Variants in CAV1 observed in about 807,000 individuals in gnomAD.
CAV1 encodes caveolin 1, also known as caveolin-1.
In CAV1, 10 loss-of-function variants were observed where a neutral mutation model predicts 16.5. The observed-to-expected ratio is 0.61, with a 90% CI of 0.37 to 1.03. The LOEUF (loss-of-function observed/expected upper bound fraction) is 1.03. Among genes scored for constraint, CAV1 ranks in the 50% least tolerant of loss-of-function variants. CAV1 has a pLI of 0.01. For synonymous variants in CAV1, 76 were observed against 85.1 expected (o/e 0.89, Z 0.59); for missense variants, 212 against 232.8 (o/e 0.91, Z 0.58).
intron 2 of CAV1, among the ~76,000 whole-genome samples, chr7:116,534,133 G>A (rs1328028781): frequency 5.9e-5 from 9 of 151,722 alleles, no homozygotes; most frequent in East Asian, 2.0e-4. Context: ...CACGAGAATC[G>A]CTTTAACCCG....
rs200328043 is a variant in CAV1, at chr7:116,559,114, C to T, written c.364C>T (p.Leu122Phe). Reference sequence around the variant, plus strand: ...CATCTGGGGCATTTACTTCGCCATTCTCTCTTTCCTGCACATCTGGGCAGT... The same window carrying T: ...CATCTGGGGCATTTACTTCGCCATTTTCTCTTTCCTGCACATCTGGGCAGT... ...ALIWGIYFAI[L>F]SFLHIWAVVP... is the part of the protein sequence containing the mutation. Residue 122 changes from leucine (L) to phenylalanine (F), a missense_variant, in exon 3 of 3, where the codon CTC (leucine) becomes TTC (phenylalanine). Physicochemically the swap from Leu to Phe is conservative, Grantham distance 22. Transcript: ENST00000341049. The T allele has an allele frequency of 1.2e-6, 2 of 1,613,944 alleles. No homozygotes were observed. The highest frequency in any genetic ancestry group is 1.7e-6 in the Non-Finnish European group (2 of 1,179,926).
intron 2 of CAV1, among the ~76,000 whole-genome samples, chr7:116,546,695 C>CATAAAAAAAAAAAAAAAAAA (rs1304783899): frequency 2.0e-5 from 1 of 51,112 alleles, no homozygotes; most frequent in African/African-American, 1.1e-4. Flanking sequence ...GAGACTCTGT[C>CATAAAAAAAAAAAAAAAAAA]ACAAAAAAAA....
At chr7:116,556,966 C>A (rs1202366917) in intron 2 of CAV1, among the ~76,000 whole-genome samples, 1 of 152,116 alleles carries the variant, frequency 6.6e-6, no homozygotes, top group East Asian at 1.9e-4. Flanking sequence ...AAACCAGAGC[C>A]CCTTATTTTT....
At chr7:116,541,650 G>A (rs1238140793) in intron 2 of CAV1, among the ~76,000 whole-genome samples, 1 of 151,866 alleles carries the variant, frequency 6.6e-6, no homozygotes, top group Non-Finnish European at 1.5e-5. Context: ...TACTTGGGGG[G>A]CCAAGAGGTG....
At chr7:116,555,396 G>C (rs1002344236) in intron 2 of CAV1, among the ~76,000 whole-genome samples, 4 of 149,664 alleles carry the variant, frequency 2.7e-5, no homozygotes, top group Non-Finnish European at 5.9e-5. Context: ...CAGTGATCAT[G>C]CCGCTGCACT....
chr7:116,558,948 T>C lies in CAV1; in HGVS notation c.198T>C (p.Ile66=). The C allele has an allele frequency of 1.2e-6, 2 of 1,611,674 alleles. No homozygotes were observed. The highest frequency in any genetic ancestry group is 1.7e-6 in the Non-Finnish European group (2 of 1,178,068). ...GTTGTGTCACTTCTTCCTTTTAGAT[T>C]GACTTTGAAGATGTGATTGCAGAAC... The part of the protein sequence containing the change: ...PKHLNDDVVK[I]DFEDVIAEPE... The change falls in exon 3 of 3, where the codon ATT becomes ATC. Residue 66 remains isoleucine (I), a splice_region_variant and synonymous_variant. Transcript: ENST00000341049.
intron 2 of CAV1, among the ~76,000 whole-genome samples, chr7:116,551,339 G>A (rs1011260497): frequency 4.6e-5 from 7 of 152,130 alleles, no homozygotes; most frequent in African/African-American, 1.4e-4. Flanking sequence ...GCATACCTGG[G>A]TATAAATCCA....
In CAV1 at chr7:116,545,054, A is replaced by C. The variant is rs189108206; in HGVS notation, c.196-13892A>C. On this transcript the variant is annotated intron_variant, in intron 2 of 2. Transcript: ENST00000341049. ...GCAAAAGTGCCTGCAATAAACAAGC[A>C]TTCTAGGCTAGAAATATTTCTCAAC... Among the ~76,000 whole-genome samples the C allele has an allele frequency of 2.6e-5, 4 of 152,354 alleles. No homozygotes were observed. In the East Asian group the frequency reaches 7.7e-4, roughly 29 times the overall value.
chr7:116,525,775 G>T, intron 1 of CAV1: 1 of 1,052,856 alleles, frequency 9.5e-7, no homozygotes, highest in East Asian at 8.2e-5. Context: ...GCCTGGGAGT[G>T]CCCTGAGGGT....
intron 1 of CAV1, chr7:116,526,194 C>A (rs1793554237): frequency 5.0e-6 from 4 of 794,008 alleles, no homozygotes; most frequent in East Asian, 1.1e-4. Context: ...GCGGGTCCTG[C>A]GTGCTGAGCC....
intron 1 of CAV1, chr7:116,525,901 G>A: frequency 4.2e-6 from 4 of 943,998 alleles, no homozygotes; most frequent in Non-Finnish European, 3.8e-6. Flanking sequence ...GGATTGAGCA[G>A]GGAGAGCCGT....
intron 2 of CAV1, among the ~76,000 whole-genome samples, chr7:116,527,547 G>T (rs1269012687): frequency 6.6e-6 from 1 of 152,198 alleles, no homozygotes; most frequent in Admixed American, 6.5e-5. Context: ...AATTATCATT[G>T]TTATTAGATT....
At chr7:116,546,410 C>A (rs1022495379) in intron 2 of CAV1, among the ~76,000 whole-genome samples, 9 of 151,994 alleles carry the variant, frequency 5.9e-5, no homozygotes, top group Non-Finnish European at 1.0e-4. Context: ...AATATGCAGG[C>A]CAGGCGTGGT....
At chr7:116,542,307 C>T (rs112517238) in intron 2 of CAV1, among the ~76,000 whole-genome samples, 1 of 152,112 alleles carries the variant, frequency 6.6e-6, no homozygotes, top group African/African-American at 2.4e-5. Flanking sequence ...GGTTCTTCAC[C>T]CTGGCTGCAA....
In CAV1 at chr7:116,526,614, A is replaced by G. The variant is rs1793568151; in HGVS notation, c.120A>G (p.Gln40=). The change falls in exon 2 of 3, where the codon CAA becomes CAG. Residue 40 remains glutamine, a synonymous_variant. Coordinates refer to ENST00000341049, the MANE Select transcript of CAV1 (RefSeq NM_001753.5). ...KAMADELSEK[Q]VYDAHTKEID... is the part of the protein sequence containing the mutation. ...TGGCAGACGAGCTGAGCGAGAAGCA[A>G]GTGTACGACGCGCACACCAAGGAGA... 2 of 1,614,000 alleles carry G rather than the reference A, an allele frequency of 1.2e-6. No homozygotes were observed. Among genetic ancestry groups the G allele is most frequent in the Non-Finnish European group, 1.7e-6 (2 of 1,180,006 alleles).
chr7:116,546,723 G>C (rs1056719837), intron 2 of CAV1, among the ~76,000 whole-genome samples: 3 of 113,500 alleles, frequency 2.6e-5, no homozygotes, highest in African/African-American at 1.1e-4. Context: ...AAGTCTGCAG[G>C]CTGCATAAAG....
At chr7:116,533,541 A>T (rs1793729787) in intron 2 of CAV1, among the ~76,000 whole-genome samples, 1 of 152,268 alleles carries the variant, frequency 6.6e-6, no homozygotes, top group East Asian at 1.9e-4. Context: ...ATCTTGGCTC[A>T]CTGTATCCTC....
chr7:116,551,844 T>C (rs1168893565), intron 2 of CAV1: 4 of 152,176 alleles, frequency 2.6e-5, no homozygotes, highest in African/African-American at 7.2e-5. Context: ...ACATGGCCGA[T>C]GGCGGGATTC....
intron 2 of CAV1, among the ~76,000 whole-genome samples, chr7:116,531,965 C>T (rs914284337): frequency 2.0e-5 from 3 of 152,178 alleles, no homozygotes; most frequent in Admixed American, 6.5e-5. Flanking sequence ...CATTCTTAAG[C>T]ATATGAAATG....
Sources: allele counts gnomAD v4.1 joint callset (sites outside exome capture counted in the v4.1 genomes callset), GRCh38; gene constraint gnomAD v4.1.1; transcripts MANE v1.5; gene names NCBI Gene and HGNC (gene_info 2026-07-23, HGNC 2026-07-21).